GSTCD: variants seen among roughly 807,000 people sequenced by gnomAD.
GSTCD encodes glutathione S-transferase C-terminal domain containing.
In GSTCD, 44 loss-of-function variants were observed where a neutral mutation model predicts 68.3. The observed-to-expected ratio is 0.64, with a 90% confidence interval of 0.51 to 0.83. The LOEUF (loss-of-function observed/expected upper bound fraction) is 0.83, where lower values mean the gene tolerates loss of function less well. Among genes scored for constraint, GSTCD ranks in the 40% least tolerant of loss-of-function variants. The pLI is 0.00. For missense variants in GSTCD, 739 were observed against 735.9 expected (o/e 1.00, Z -0.05); for synonymous variants, 273 against 255.2 (o/e 1.07, Z -0.67).
intron 5 of GSTCD, among the ~76,000 whole-genome samples, chr4:105,748,228 C>T (rs1189072343): frequency 6.6e-6 from 1 of 151,884 alleles, no homozygotes; most frequent in Non-Finnish European, 1.5e-5. Context: ...GTATTCTAGC[C>T]TGGGCGACAG....
At chr4:105,779,201 A>T in intron 5 of GSTCD, among the ~76,000 whole-genome samples, 1 of 152,122 alleles carries the variant, frequency 6.6e-6, no homozygotes, top group East Asian at 1.9e-4. Context: ...TTAATCTGGA[A>T]CACTTCCTCA....
rs1485739342 is a variant in GSTCD, at chr4:105,729,413, G to A, written c.1154G>A (p.Gly385Asp). Residue 385 changes from glycine (G) to aspartate (D), a missense_variant, in exon 5 of 12, where the codon GGC (glycine) becomes GAC (aspartate). Coordinates refer to ENST00000515279, the MANE Select transcript of GSTCD (RefSeq NM_001370181.1). ...GGCTATTTCCTTTTCTAGGAAAAGGGCATTGAAGTGATGTTTTCTCCCCAC... is the reference window on the plus strand; with the variant it reads ...GGCTATTTCCTTTTCTAGGAAAAGGACATTGAAGTGATGTTTTCTCCCCAC... ...RPTMAKLMEK[G>D]IEVMFSPHPC... The A allele has an allele frequency of 3.3e-5, 53 of 1,601,940 alleles. No individual in the cohort carries two copies. The highest frequency in any genetic ancestry group is 4.3e-5 in the Non-Finnish European group (50 of 1,171,124).
intron 5 of GSTCD, among the ~76,000 whole-genome samples, chr4:105,759,522 A>T (rs890558831): frequency 6.6e-6 from 1 of 152,164 alleles, no homozygotes; most frequent in African/African-American, 2.4e-5. Context: ...GATCCTCCTT[A>T]AACAGACTGA....
At chr4:105,792,196 T>G (rs1735702740) in intron 5 of GSTCD, among the ~76,000 whole-genome samples, 1 of 152,082 alleles carries the variant, frequency 6.6e-6, no homozygotes, top group Non-Finnish European at 1.5e-5. Context: ...ATAAAATTAA[T>G]GTAGTGTGAT....
At chr4:105,764,076 T>TA (rs1367315930) in intron 5 of GSTCD, among the ~76,000 whole-genome samples, 6 of 152,132 alleles carry the variant, frequency 3.9e-5, no homozygotes, top group Non-Finnish European at 8.8e-5. Flanking sequence ...TGGCTATAAT[T>TA]AAAAAAATAG....
At chr4:105,709,606 T>C (rs1020829043) in intron 1 of GSTCD, among the ~76,000 whole-genome samples, 1 of 152,250 alleles carries the variant, frequency 6.6e-6, no homozygotes, top group African/African-American at 2.4e-5. Context: ...CGTTTGCTAA[T>C]ACACGTACTT....
At chr4:105,820,573 T>C (rs1723236419) in intron 5 of GSTCD, 1 of 151,874 alleles carries the variant, frequency 6.6e-6, no homozygotes, top group Admixed American at 6.6e-5. Flanking sequence ...CCTGCTCATA[T>C]TTCCTGGAGC....
At chr4:105,742,144 C>A (rs1161078501) in intron 5 of GSTCD, among the ~76,000 whole-genome samples, 2 of 152,048 alleles carry the variant, frequency 1.3e-5, no homozygotes, top group Non-Finnish European at 2.9e-5. Context: ...AATAACCATT[C>A]TTTTTACTAA....
intron 2 of GSTCD, among the ~76,000 whole-genome samples, chr4:105,718,650 T>C (rs1348526911): frequency 6.6e-6 from 1 of 152,238 alleles, no homozygotes; most frequent in African/African-American, 2.4e-5. Flanking sequence ...AGAATTTAAG[T>C]CTTAATTTAT....
intron 5 of GSTCD, among the ~76,000 whole-genome samples, chr4:105,732,312 G>A (rs557226331): frequency 7.2e-4 from 110 of 152,128 alleles, no homozygotes; most frequent in Admixed American, 1.9e-3. Flanking sequence ...CTGTGAATCC[G>A]TCTGGTCCTG....
chr4:105,709,611 GT>G (rs1181081721), intron 1 of GSTCD, among the ~76,000 whole-genome samples: 24 of 152,246 alleles, frequency 1.6e-4, no homozygotes, highest in African/African-American at 5.8e-4. Flanking sequence ...GCTAATACAC[GT>G]ACTTCCCATC....
chr4:105,825,755 C>T lies in GSTCD; in HGVS notation c.1485C>T (p.Phe495=). 1 of 1,545,792 alleles carries T rather than the reference C, an allele frequency of 6.5e-7. No homozygotes were observed. Among genetic ancestry groups the T allele is most frequent in the Non-Finnish European group, 8.9e-7 (1 of 1,119,704 alleles). Residue 495 remains phenylalanine, a synonymous_variant, in exon 8 of 12, where the codon TTC becomes TTT. Transcript: ENST00000515279. ...SDELGLSNIW[F]IQANMEYFTG... is the part of the protein sequence containing the mutation. ...AACTGGGTTTAAGCAACATTTGGTTCATTCAAGCAAATATGGAATATTTTA... is the reference window on the plus strand; with the variant it reads ...AACTGGGTTTAAGCAACATTTGGTTTATTCAAGCAAATATGGAATATTTTA...
intron 5 of GSTCD, chr4:105,761,204 A>G (rs1197656953): frequency 1.7e-5 from 3 of 175,542 alleles, no homozygotes; most frequent in Admixed American, 6.3e-5. Context: ...AAGTTTCACC[A>G]TATTGGCCAG....
At chr4:105,729,550 C>A in intron 5 of GSTCD, 51 bp downstream of exon 5, 1 of 1,176,504 alleles carries the variant, frequency 8.5e-7, no homozygotes, top group Non-Finnish European at 1.3e-6. Context: ...ATACTGTCTT[C>A]AGATATGTCT....
In GSTCD at chr4:105,845,729, A is replaced by G; in HGVS notation, c.*152A>G. 3 of 709,448 alleles carry G rather than the reference A, an allele frequency of 4.2e-6. No homozygotes were observed. Among genetic ancestry groups the G allele is most frequent in the Non-Finnish European group, 7.0e-6 (3 of 428,024 alleles). 43.9% of individuals were successfully genotyped at this position (709,448 alleles called of 1,614,324 possible). On this transcript the variant is annotated 3_prime_UTR_variant, in exon 12 of 12. Coordinates refer to ENST00000515279, the MANE Select transcript of GSTCD (RefSeq NM_001370181.1). Reference sequence around the variant, plus strand: ...AAAGCAACAGGGAAATCTTGGAAGTAAAGGCTCCCTGCAAAGCATCACAAA... The same window carrying G: ...AAAGCAACAGGGAAATCTTGGAAGTGAAGGCTCCCTGCAAAGCATCACAAA...
At chr4:105,753,578 G>T (rs1298691085) in intron 5 of GSTCD, among the ~76,000 whole-genome samples, 1 of 151,950 alleles carries the variant, frequency 6.6e-6, no homozygotes, top group Non-Finnish European at 1.5e-5. Context: ...ATTGTATTAG[G>T]TATTACAAAT....
At chr4:105,721,634 C>T (rs1464186713) in intron 3 of GSTCD, among the ~76,000 whole-genome samples, 2 of 151,638 alleles carry the variant, frequency 1.3e-5, no homozygotes, top group African/African-American at 4.8e-5. Flanking sequence ...CAAGTAGAAT[C>T]GATGAGGTGT....
intron 5 of GSTCD, among the ~76,000 whole-genome samples, chr4:105,747,950 T>A (rs946754795): frequency 6.6e-6 from 1 of 152,140 alleles, no homozygotes; most frequent in African/African-American, 2.4e-5. Flanking sequence ...TTTGAACTTT[T>A]TGGCATTTAA....
chr4:105,815,510 CA>C (rs900924393), intron 5 of GSTCD, among the ~76,000 whole-genome samples: 5 of 151,872 alleles, frequency 3.3e-5, no homozygotes, highest in Admixed American at 2.0e-4. Context: ...AAATATATGA[CA>C]AAAAAATCAA....
Sources: allele counts gnomAD v4.1 joint callset (sites outside exome capture counted in the v4.1 genomes callset), GRCh38; gene constraint gnomAD v4.1.1; transcripts MANE v1.5; gene names NCBI Gene and HGNC (gene_info 2026-07-23, HGNC 2026-07-21).